TRPM4: variants seen among roughly 807,000 people sequenced by gnomAD.
TRPM4 encodes the protein transient receptor potential cation channel subfamily M member 4.
In TRPM4, 124 loss-of-function variants were observed where a neutral mutation model predicts 135.6. The observed-to-expected ratio is 0.91, with a 90% CI of 0.79 to 1.06. The LOEUF is 1.06. Ranked by LOEUF, TRPM4 falls within the 50% of genes least tolerant of loss-of-function variation. The pLI is 0.00. For synonymous variants in TRPM4, 745 were observed against 705.6 expected, an observed-to-expected ratio of 1.06 and a Z score of -0.88; for missense variants, 1,658 against 1,671.4, an observed-to-expected ratio of 0.99 and a Z score of 0.14.
rs146180757 is a variant in TRPM4 at position 49,187,852 on chromosome 19, G to T, written c.1744-789G>T. Among the ~76,000 whole-genome samples, 401 of 152,214 alleles carry T rather than the reference G, an allele frequency of 2.6e-3. 5 individuals are homozygous for T. Among genetic ancestry groups the T allele is most frequent in the African/African-American group, 9.2e-3 (384 of 41,528 alleles). On this transcript the variant is annotated intron_variant, in intron 12 of 24. Coordinates refer to ENST00000252826, the MANE Select transcript of TRPM4 (RefSeq NM_017636.4). Reference sequence around the variant, plus strand: ...GGAGATGGAATCACAGGGGTTGGAAGTGAGGTTTTTCTTGCTGTTTTCTGT... The same window carrying T: ...GGAGATGGAATCACAGGGGTTGGAATTGAGGTTTTTCTTGCTGTTTTCTGT...
chr19:49,183,839 T>C (rs1278047937), intron 12 of TRPM4, among the ~76,000 whole-genome samples: 3 of 151,282 alleles, frequency 2.0e-5, no homozygotes, highest in Non-Finnish European at 4.4e-5. Flanking sequence ...AGTGGCATGA[T>C]CTCGGCTCAC....
At chr19:49,162,796 C>G (rs1006244240) in intron 2 of TRPM4, among the ~76,000 whole-genome samples, 2 of 151,986 alleles carry the variant, frequency 1.3e-5, no homozygotes, top group African/African-American at 4.8e-5. Flanking sequence ...GAGTCTCGCT[C>G]TGTCGCCCAG....
At chr19:49,172,774 A>G (rs1013743881) in intron 9 of TRPM4, among the ~76,000 whole-genome samples, 5 of 147,632 alleles carry the variant, frequency 3.4e-5, no homozygotes, top group Non-Finnish European at 6.0e-5. Context: ...CCATCCATCC[A>G]TCTTCTCACC....
chr19:49,192,564 A>C (rs1432238157), intron 16 of TRPM4, among the ~76,000 whole-genome samples: 2 of 152,206 alleles, frequency 1.3e-5, no homozygotes. Flanking sequence ...TATCCATAAC[A>C]AACTAACAGG....
chr19:49,211,160 G>A lies in TRPM4; in HGVS notation c.3535-4G>A, dbSNP rs756403480. ...CCCGCTCTGACATTCCTCCCATTCC[G>A]CAGGTCCAGCAGTGTAGCCGCGTCC... On this transcript the variant is annotated splice_polypyrimidine_tract_variant and splice_region_variant and intron_variant, in intron 23 of 24. Coordinates refer to ENST00000252826, the MANE Select transcript of TRPM4 (RefSeq NM_017636.4). The surrounding 1 kb of genome is among the most constrained non-coding windows in gnomAD (Gnocchi z 4.8). 6.2e-7 allele frequency: 1 copy of A among 1,606,610 alleles called. No individual in the cohort carries two copies. The highest frequency in any genetic ancestry group is 1.7e-5 in the Admixed American group (1 of 58,504).
At chr19:49,207,490 C>T (rs892083296) in intron 20 of TRPM4, among the ~76,000 whole-genome samples, 1 of 151,446 alleles carries the variant, frequency 6.6e-6, no homozygotes, top group Non-Finnish European at 1.5e-5. Flanking sequence ...ATTTGCCAGG[C>T]GTGGTGGTGC....
At chr19:49,175,025 C>G (rs1018113844) in intron 9 of TRPM4, among the ~76,000 whole-genome samples, 2 of 149,440 alleles carry the variant, frequency 1.3e-5, no homozygotes, top group Admixed American at 1.3e-4. Flanking sequence ...CACCTCAGCC[C>G]CACAAGTAGC....
intron 10 of TRPM4, 66 bp downstream of exon 10, chr19:49,181,527 C>CTTATT: frequency 7.2e-6 from 6 of 830,436 alleles, no homozygotes; most frequent in African/African-American, 4.3e-5. Flanking sequence ...CCCTCTCTGC[C>CTTATT]TTCTTTTTTT....
Position 49,171,774 on chromosome 19 carries a change from G to A in TRPM4, c.1050+5G>A. ...CTTGAGGTCCTGCAGGCCCAGGTAT[G>A]ACACTGGGGGCCCAACTCTGGATCC... On this transcript the variant is annotated splice_donor_5th_base_variant and intron_variant, in intron 8 of 24. Coordinates refer to ENST00000252826, the MANE Select transcript of TRPM4 (RefSeq NM_017636.4). The surrounding 1 kb of genome is among the most constrained non-coding windows in gnomAD (Gnocchi z 4.7). The A allele has an allele frequency of 2.5e-6, 4 of 1,607,580 alleles. No individual in the cohort carries two copies. Among genetic ancestry groups the A allele is most frequent in the Non-Finnish European group, 3.4e-6 (4 of 1,179,188 alleles).
chr19:49,161,776 C>A (rs1428580517), intron 2 of TRPM4, among the ~76,000 whole-genome samples: 1 of 151,956 alleles, frequency 6.6e-6, no homozygotes, highest in Middle Eastern at 3.2e-3. Context: ...ATTACAGGCA[C>A]CCACCATCAC....
intron 20 of TRPM4, among the ~76,000 whole-genome samples, chr19:49,204,023 G>C (rs1969053553): frequency 6.6e-6 from 1 of 152,172 alleles, no homozygotes; most frequent in Non-Finnish European, 1.5e-5. Context: ...GGGAGGCTCA[G>C]GCACGAGAGT....
At chr19:49,190,579 G>T in intron 15 of TRPM4, 117 bp from the exon 16 acceptor site, 1 of 1,112,244 alleles carries the variant, frequency 9.0e-7, no homozygotes. Context: ...GACTTTAGGA[G>T]ACCACCTCTC....
At position 49,196,482 on chromosome 19, in the gene TRPM4, C is replaced by A; in HGVS notation, c.2253C>A (p.Arg751=). ...AGAAGACGCCGCTGGGGGTCCCGCGCCAGTCGGGCCGTCCGGGTTGCTGCG... is the reference window on the plus strand; with the variant it reads ...AGAAGACGCCGCTGGGGGTCCCGCGACAGTCGGGCCGTCCGGGTTGCTGCG... The part of the protein sequence containing the change: ...PAEKTPLGVP[R]QSGRPGCCGG... The change falls in exon 17 of 25, where the codon CGC becomes CGA. Residue 751 remains arginine, a synonymous_variant. Transcript: ENST00000252826. 6.4e-7 allele frequency: 1 copy of A among 1,554,904 alleles called. No homozygotes were observed.
In TRPM4 at chr19:49,166,033, A is replaced by AC. The variant is rs1228804571; in HGVS notation, c.93-3dup. 2 of 1,586,148 alleles carry AC rather than the reference A, an allele frequency of 1.3e-6. No homozygotes were observed. Among genetic ancestry groups the AC allele is most frequent in the Non-Finnish European group, 1.7e-6 (2 of 1,168,490 alleles). ...CCCTGGGTTCACGCTCCGCCCTCGCACCCCCAGAGGGACCTTGTGCCAGTG... is the reference window on the plus strand; with the variant it reads ...CCCTGGGTTCACGCTCCGCCCTCGCACCCCCCAGAGGGACCTTGTGCCAGTG... On this transcript the variant is annotated splice_region_variant and splice_polypyrimidine_tract_variant and intron_variant, in intron 2 of 24. Transcript: ENST00000252826.
chr19:49,183,332 TC>T, intron 12 of TRPM4, 120 bp downstream of exon 12: 1 of 1,275,644 alleles, frequency 7.8e-7, no homozygotes, highest in South Asian at 1.2e-5. Context: ...CGCCCCATCC[TC>T]CGTCGCTGAT....
chr19:49,191,833 C>T (rs1968423839), intron 16 of TRPM4, among the ~76,000 whole-genome samples: 1 of 152,130 alleles, frequency 6.6e-6, no homozygotes, highest in Non-Finnish European at 1.5e-5. Flanking sequence ...TTGGAAGGGA[C>T]AAACATCCAA....
At position 49,168,725 on chromosome 19, in the gene TRPM4, C is replaced by T. The variant is rs368765730; in HGVS notation, c.785C>T (p.Thr262Met). The T allele has an allele frequency of 6.9e-6, 11 of 1,590,672 alleles. No individual in the cohort carries two copies. Among genetic ancestry groups the T allele is most frequent in the Non-Finnish European group, 8.6e-6 (10 of 1,169,460 alleles). ...RLESYISQQK[T>M]GVGGTGIDIP... The stretch of plus-strand genomic sequence containing the variant: ...GAGTCCTACATCTCACAGCAGAAGA[C>T]GGGCGTGGGAGGTGAGTGGTCGAAC... Residue 262 changes from threonine (T) to methionine (M), a missense_variant, in exon 6 of 25, where the codon ACG (threonine) becomes ATG (methionine). This residue lies in a region of TRPM4 where 1,412 missense variants were observed against 1,408.7 expected (regional missense o/e 1.00). Transcript: ENST00000252826.
chr19:49,190,682 T>TC lies in TRPM4; in HGVS notation c.2133-8dup. On this transcript the variant is annotated splice_polypyrimidine_tract_variant and intron_variant, in intron 15 of 24. Transcript: ENST00000252826. ...TTCCCCTCATTTCTTGCTCTGTGCT[T>TC]CCCCCCTTGCTAGGAAATCAGAAGA... The TC allele has an allele frequency of 1.2e-6, 2 of 1,613,706 alleles. No individual in the cohort carries two copies. Among genetic ancestry groups the TC allele is most frequent in the Non-Finnish European group, 1.7e-6 (2 of 1,179,772 alleles).
chr19:49,196,814 A>C lies in TRPM4; in HGVS notation c.2585A>C (p.Asp862Ala). ...LSQRLRLYLA[D>A]SWNQCDLVAL... ...CAGCGCCTGCGCCTCTACCTCGCCG[A>C]CAGCTGGAACCAGTGCGACCTAGTG... Residue 862 changes from aspartate (D) to alanine (A), a missense_variant, in exon 17 of 25, where the codon GAC becomes GCC. Physicochemically the swap from Asp to Ala is moderately radical, Grantham distance 126. Coordinates refer to ENST00000252826, the MANE Select transcript of TRPM4 (RefSeq NM_017636.4). The C allele has an allele frequency of 6.3e-7, 1 of 1,589,642 alleles. No homozygotes were observed. Among genetic ancestry groups the C allele is most frequent in the Non-Finnish European group, 8.5e-7 (1 of 1,175,434 alleles).
Sources: gnomAD v4.1 joint callset for allele counts (sites outside exome capture counted in the v4.1 genomes callset) on GRCh38, gnomAD v4.1.1 for gene constraint, gnomAD v4.1.1 regional missense constraint, Gnocchi (gnomAD v3.1) non-coding constraint, MANE v1.5 for transcripts, NCBI Gene and HGNC (gene_info 2026-07-23, HGNC 2026-07-21) for gene names.